Variants in WDPCP observed in about 807,000 individuals in gnomAD.
The protein encoded by WDPCP is WD repeat-containing and planar cell polarity effector protein fritz homolog.
In WDPCP, 71 loss-of-function variants were observed where a neutral mutation model predicts 93.1. That is an observed-to-expected ratio of 0.76 (90% CI 0.63 to 0.93). The LOEUF is 0.93. Among genes scored for constraint, WDPCP ranks in the 40% least tolerant of loss-of-function variants. The pLI is 0.00. For synonymous variants in WDPCP, 315 were observed against 315.0 expected (o/e 1.00, Z 0.00); for missense variants, 844 against 887.4 (o/e 0.95, Z 0.62).
At chr2:63,354,300 C>T (rs1235227888) in intron 12 of WDPCP, among the ~76,000 whole-genome samples, 2 of 152,082 alleles carry the variant, frequency 1.3e-5, no homozygotes, top group African/African-American at 4.8e-5. Flanking sequence ...AGAAGAGCCT[C>T]CAGGAGACAA....
At chr2:63,312,986 G>C (rs374199803) in intron 13 of WDPCP, among the ~76,000 whole-genome samples, 25 of 151,760 alleles carry the variant, frequency 1.6e-4, no homozygotes, top group African/African-American at 5.8e-4. Context: ...CAAGGTACAT[G>C]AGGAGAAAAG....
intron 10 of WDPCP, among the ~76,000 whole-genome samples, chr2:63,395,136 A>C (rs1409967404): frequency 6.6e-6 from 1 of 152,222 alleles, no homozygotes; most frequent in Non-Finnish European, 1.5e-5. Flanking sequence ...TTGTCACAGA[A>C]TAATGCTGAG....
At chr2:63,651,249 G>T (rs1710105859) in intron 2 of WDPCP, among the ~76,000 whole-genome samples, 1 of 152,086 alleles carries the variant, frequency 6.6e-6, no homozygotes, top group African/African-American at 2.4e-5. Context: ...AGTTTAGTCT[G>T]TCCTTTAACA....
At chr2:63,325,554 C>T (rs1192132647) in intron 12 of WDPCP, among the ~76,000 whole-genome samples, 1 of 152,170 alleles carries the variant, frequency 6.6e-6, no homozygotes, top group East Asian at 1.9e-4. Context: ...ACCTTCTGTC[C>T]CAGATGACTG....
At chr2:63,640,775 G>A (rs1184410481) in intron 3 of WDPCP, among the ~76,000 whole-genome samples, 4 of 152,114 alleles carry the variant, frequency 2.6e-5, no homozygotes, top group African/African-American at 9.7e-5. Context: ...ATGGAGAGTA[G>A]GGTATCCATC....
rs551148498 is a variant in WDPCP, at chr2:63,509,399, C to T, written c.76-16459G>A. 5.3e-5 allele frequency among the ~76,000 whole-genome samples: 8 copies of T among 152,232 alleles called. No homozygotes were observed. In the South Asian group the frequency reaches 1.2e-3, roughly 24 times the overall value. On this transcript the variant is annotated intron_variant, in intron 1 of 17. Transcript: ENST00000272321. The stretch of plus-strand genomic sequence containing the variant: ...TTTGAAACCAGTAAGAACAAAGATG[C>T]AATGTACCAGAATCTCTGGGACACA...
At chr2:63,486,679 G>T in intron 3 of WDPCP, 93 bp from the exon 4 acceptor site, 2 of 1,105,374 alleles carry the variant, frequency 1.8e-6, no homozygotes, top group South Asian at 1.5e-5. Flanking sequence ...ACATGTATAA[G>T]GTATTATTAA....
intron 14 of WDPCP, among the ~76,000 whole-genome samples, chr2:63,204,289 T>C (rs1676153595): frequency 6.6e-6 from 1 of 151,964 alleles, no homozygotes. Context: ...GATTTGCATT[T>C]CTCTGATGAT....
chr2:63,524,494 C>T (rs1703171756), intron 1 of WDPCP, among the ~76,000 whole-genome samples: 2 of 152,108 alleles, frequency 1.3e-5, no homozygotes, highest in South Asian at 2.1e-4. Flanking sequence ...CAAAAACAAG[C>T]AATGGGGAAA....
At chr2:63,212,449 C>T (rs570955223) in intron 14 of WDPCP, among the ~76,000 whole-genome samples, 1 of 152,152 alleles carries the variant, frequency 6.6e-6, no homozygotes, top group Non-Finnish European at 1.5e-5. Flanking sequence ...GCCTGCCTTA[C>T]AAGAGCTCCT....
chr2:63,490,758 G>A (rs918127462), intron 2 of WDPCP, among the ~76,000 whole-genome samples: 2 of 152,168 alleles, frequency 1.3e-5, no homozygotes, highest in African/African-American at 4.8e-5. Flanking sequence ...GACAGGGAAG[G>A]AATTTGCTGG....
intron 2 of WDPCP, among the ~76,000 whole-genome samples, chr2:63,691,086 T>C (rs1668882344): frequency 6.6e-6 from 1 of 152,244 alleles, no homozygotes; most frequent in African/African-American, 2.4e-5. Flanking sequence ...ATAACATCAA[T>C]GATAGCATTT....
intron 1 of WDPCP, among the ~76,000 whole-genome samples, chr2:63,526,618 C>T (rs961312187): frequency 3.9e-5 from 6 of 152,196 alleles, no homozygotes; most frequent in Admixed American, 2.6e-4. Flanking sequence ...AAATATCAAG[C>T]TCATTCCTGC....
At chr2:63,266,856 C>T (rs1309959237) in intron 13 of WDPCP, among the ~76,000 whole-genome samples, 3 of 152,046 alleles carry the variant, frequency 2.0e-5, no homozygotes, top group African/African-American at 7.2e-5. Context: ...GGAAAGATAT[C>T]CCATATTCAT....
intron 6 of WDPCP, chr2:63,440,780 T>C (rs1020907679): frequency 1.3e-5 from 2 of 152,514 alleles, no homozygotes; most frequent in Non-Finnish European, 2.9e-5. Context: ...AAAAAACCAA[T>C]TGTCAGTAAA....
At chr2:63,500,117 G>A (rs887723522) in intron 1 of WDPCP, among the ~76,000 whole-genome samples, 1 of 152,158 alleles carries the variant, frequency 6.6e-6, no homozygotes, top group Non-Finnish European at 1.5e-5. Flanking sequence ...TCAAGGGCAG[G>A]ACTTGGATTG....
chr2:63,366,089 A>G (rs1204154120), intron 12 of WDPCP, among the ~76,000 whole-genome samples: 2 of 152,172 alleles, frequency 1.3e-5, no homozygotes, highest in African/African-American at 2.4e-5. Context: ...AGGAAATCTC[A>G]CATACCTCCA....
At chr2:63,198,517 G>A (rs1574853616) in intron 14 of WDPCP, among the ~76,000 whole-genome samples, 2 of 152,224 alleles carry the variant, frequency 1.3e-5, no homozygotes, top group African/African-American at 4.8e-5. Context: ...CCCCTGTGTT[G>A]GAGGAAGAGC....
At chr2:63,552,953 A>C (rs1226132649) in intron 1 of WDPCP, among the ~76,000 whole-genome samples, 1 of 152,250 alleles carries the variant, frequency 6.6e-6, no homozygotes, top group African/African-American at 2.4e-5. Context: ...AGTTAAGAAA[A>C]GTTAGATAGG....
Sources: allele counts gnomAD v4.1 joint callset (sites outside exome capture counted in the v4.1 genomes callset), GRCh38; gene constraint gnomAD v4.1.1; transcripts MANE v1.5; gene names NCBI Gene and HGNC (gene_info 2026-07-23, HGNC 2026-07-21).